XKR6: variants seen among roughly 807,000 people sequenced by gnomAD.
The protein encoded by XKR6 is XK related 6, also known as XK-related protein 6.
Under a neutral mutation model 56.7 loss-of-function variants are expected in XKR6, and 22 were observed. The ratio of observed to expected loss-of-function variants is 0.39; its 90% confidence interval spans 0.28 to 0.55. XKR6 has a LOEUF of 0.55. Among genes scored for constraint, XKR6 ranks in the 20% least tolerant of loss-of-function variants. The probability of loss-of-function intolerance (pLI) is 0.66; values close to 1 mark genes in which losing one functional copy is unlikely to be tolerated. For synonymous variants in XKR6, 524 were observed against 387.8 expected, an observed-to-expected ratio of 1.35 and a Z score of -4.13; for missense variants, 852 against 889.0, an observed-to-expected ratio of 0.96 and a Z score of 0.53.
chr8:11,059,700 C>T (rs1457999751), intron 1 of XKR6, among the ~76,000 whole-genome samples: 2 of 126,520 alleles, frequency 1.6e-5, no homozygotes, highest in Non-Finnish European at 3.0e-5. Flanking sequence ...GCGGGACAGG[C>T]GCGTCTCTGT....
chr8:11,139,182 T>C (rs1303216266), intron 1 of XKR6, among the ~76,000 whole-genome samples: 1 of 152,234 alleles, frequency 6.6e-6, no homozygotes, highest in Non-Finnish European at 1.5e-5. Context: ...TTATAAAAGA[T>C]GCTTTCCTCC....
At chr8:11,097,883 TTA>T (rs887264887) in intron 1 of XKR6, among the ~76,000 whole-genome samples, 7 of 150,994 alleles carry the variant, frequency 4.6e-5, no homozygotes, top group African/African-American at 1.5e-4. Context: ...GTTTTTTTTT[TTA>T]AAGCTATTTG....
chr8:11,155,321 G>A (rs909388400), intron 1 of XKR6, among the ~76,000 whole-genome samples: 5 of 152,190 alleles, frequency 3.3e-5, no homozygotes, highest in Admixed American at 6.5e-5. Context: ...CATACTGGTA[G>A]TCTGATATGT....
chr8:11,007,108 T>G (rs1462478864), intron 1 of XKR6, among the ~76,000 whole-genome samples: 2 of 152,166 alleles, frequency 1.3e-5, no homozygotes, highest in Non-Finnish European at 2.9e-5. Context: ...TTGTTGTATC[T>G]GTCTTCTTGC....
chr8:11,037,733 C>T lies in XKR6; in HGVS notation c.765-112903G>A, dbSNP rs190963312. Among the ~76,000 whole-genome samples, 32 of 152,234 alleles carry T rather than the reference C, an allele frequency of 2.1e-4. No homozygotes were observed. The East Asian group carries it at 5.2e-3, about 25-fold the overall frequency. On this transcript the variant is annotated intron_variant, in intron 1 of 2. Coordinates refer to ENST00000416569, the MANE Select transcript of XKR6 (RefSeq NM_173683.4). ...ATTGGCTGGGCATGGTGGCGTGCGCCTGTAATCCCAGCTACTTGGGAGGCT... is the reference window on the plus strand; with the variant it reads ...ATTGGCTGGGCATGGTGGCGTGCGCTTGTAATCCCAGCTACTTGGGAGGCT...
Position 11,201,051 on chromosome 8 carries a change from G to T in XKR6, c.289C>A (p.Pro97Thr). Reference protein sequence around the residue: ...AADGGDQPLQPPAAPGAGRQP... With the variant: ...AADGGDQPLQTPAAPGAGRQP... ...CGGCCGGCGCCGGGGGCCGCGGGAG[G>T]CTGCAGCGGCTGGTCCCCCCCGTCG... Residue 97 changes from proline to threonine, a missense_variant, in exon 1 of 3, where the codon CCT (proline) becomes ACT (threonine). Pro to Thr is a conservative substitution (Grantham distance 38). Transcript: ENST00000416569. 1 of 1,232,818 alleles carries T rather than the reference G, an allele frequency of 8.1e-7. No homozygotes were observed. Among genetic ancestry groups the T allele is most frequent in the Non-Finnish European group, 1.0e-6 (1 of 991,304 alleles). 76.4% of individuals were successfully genotyped at this position (1,232,818 alleles called of 1,614,324 possible).
intron 2 of XKR6, among the ~76,000 whole-genome samples, chr8:10,906,900 T>G (rs540048785): frequency 6.6e-6 from 1 of 152,156 alleles, no homozygotes; most frequent in South Asian, 2.1e-4. Context: ...AAAACACAAT[T>G]AGCTGAGTGT....
At chr8:10,993,994 A>T (rs1798053605) in intron 1 of XKR6, among the ~76,000 whole-genome samples, 1 of 152,138 alleles carries the variant, frequency 6.6e-6, no homozygotes. Flanking sequence ...CATGAGGCCT[A>T]TATCCTGTTT....
intron 1 of XKR6, among the ~76,000 whole-genome samples, chr8:11,033,321 G>A (rs1212008378): frequency 2.7e-5 from 4 of 150,152 alleles, no homozygotes; most frequent in Non-Finnish European, 5.9e-5. Context: ...TGATGATGAC[G>A]ATAGTGATGG....
chr8:11,005,199 G>C (rs1798337761), intron 1 of XKR6, among the ~76,000 whole-genome samples: 1 of 151,870 alleles, frequency 6.6e-6, no homozygotes, highest in Non-Finnish European at 1.5e-5. Context: ...ATCCCAAGCA[G>C]AATGACGCAA....
chr8:11,071,598 G>A (rs1280054896), intron 1 of XKR6, among the ~76,000 whole-genome samples: 1 of 146,134 alleles, frequency 6.8e-6, no homozygotes, highest in Non-Finnish European at 1.5e-5. Flanking sequence ...TGAGCCCCGA[G>A]TCTATCAGCC....
intron 1 of XKR6, among the ~76,000 whole-genome samples, chr8:11,126,225 C>T (rs899922948): frequency 2.0e-5 from 3 of 151,916 alleles, no homozygotes; most frequent in Non-Finnish European, 2.9e-5. Flanking sequence ...TGCACTACCA[C>T]GCCCGGCTAA....
At chr8:10,994,305 G>A (rs554773188) in intron 1 of XKR6, among the ~76,000 whole-genome samples, 22 of 152,340 alleles carry the variant, frequency 1.4e-4, no homozygotes, top group African/African-American at 5.3e-4. Flanking sequence ...CCTCGGCTAA[G>A]CCAGCTCCCC....
chr8:11,186,608 G>A (rs1803288898), intron 1 of XKR6, among the ~76,000 whole-genome samples: 1 of 152,134 alleles, frequency 6.6e-6, no homozygotes, highest in Non-Finnish European at 1.5e-5. Context: ...TCAAACTCCT[G>A]GACTCAAGTG....
Position 11,180,627 on chromosome 8 carries a change from C to A in XKR6, c.764+19949G>T, listed in dbSNP as rs572765313. ...GAAATACAAAGTTGTCATGACTGGA[C>A]GGCACAGTGGCTCACACCTGCAATC... On this transcript the variant is annotated intron_variant, in intron 1 of 2. Coordinates refer to ENST00000416569, the MANE Select transcript of XKR6 (RefSeq NM_173683.4). 5.9e-5 allele frequency among the ~76,000 whole-genome samples: 9 copies of A among 152,276 alleles called. No homozygotes were observed. The East Asian group carries it at 1.7e-3, about 29-fold the overall frequency.
At chr8:11,137,204 G>A (rs909428727) in intron 1 of XKR6, 8 of 207,884 alleles carry the variant, frequency 3.8e-5, no homozygotes, top group African/African-American at 9.5e-5. Context: ...ACATACAGCT[G>A]TAGGCAGTGG....
chr8:11,200,605 G>T lies in XKR6; in HGVS notation c.735C>A (p.Ile245=). 1 of 1,540,178 alleles carries T rather than the reference G, an allele frequency of 6.5e-7. No homozygotes were observed. ...RLSVWIWQSV[I]HLLQMGQVWR... ...ACACCTGCCCCATCTGCAGCAGGTG[G>T]ATGACCGACTGCCAGATCCACACGG... The change falls in exon 1 of 3, where the codon ATC becomes ATA. Residue 245 remains isoleucine, a synonymous_variant. Coordinates refer to ENST00000416569, the MANE Select transcript of XKR6 (RefSeq NM_173683.4). This position sits in a 1 kb window ranked among gnomAD's most constrained non-coding sequence, Gnocchi z 6.4.
intron 2 of XKR6, among the ~76,000 whole-genome samples, chr8:10,907,077 G>C (rs996951184): frequency 6.6e-6 from 1 of 152,060 alleles, no homozygotes; most frequent in African/African-American, 2.4e-5. Context: ...AGAAGAAGAA[G>C]GGTCAAAGAG....
chr8:11,163,334 C>T (rs1022689299), intron 1 of XKR6, among the ~76,000 whole-genome samples: 19 of 152,296 alleles, frequency 1.2e-4, no homozygotes, highest in African/African-American at 4.3e-4. Context: ...TTTCTATTTG[C>T]ATTGAGTTCT....
Sources: allele counts gnomAD v4.1 joint callset (sites outside exome capture counted in the v4.1 genomes callset), GRCh38; gene constraint gnomAD v4.1.1; non-coding constraint Gnocchi (gnomAD v3.1); transcripts MANE v1.5; gene names NCBI Gene and HGNC (gene_info 2026-07-23, HGNC 2026-07-21).